Variants in WDR76 observed in about 807,000 individuals in gnomAD.
WDR76 encodes the protein WD repeat-containing protein 76.
A neutral mutation model predicts 70.2 loss-of-function variants in WDR76; 52 were observed. The ratio of observed to expected loss-of-function variants is 0.74; its 90% CI spans 0.59 to 0.93. The LOEUF is 0.93. Ranked by LOEUF, WDR76 falls within the 40% of genes least tolerant of loss-of-function variation. WDR76 has a pLI of 0.00. For missense variants in WDR76, 756 were observed against 760.2 expected, an observed-to-expected ratio of 0.99 and a Z score of 0.07; for synonymous variants, 292 against 271.1, an observed-to-expected ratio of 1.08 and a Z score of -0.76.
At chr15:43,840,292 A>AG (rs2087708719) in intron 5 of WDR76, among the ~76,000 whole-genome samples, 1 of 152,110 alleles carries the variant, frequency 6.6e-6, no homozygotes, top group South Asian at 2.1e-4. Flanking sequence ...ATTAAAAAAA[A>AG]GTCAGCAATA....
At chr15:43,844,680 C>T (rs1157065112) in intron 8 of WDR76, among the ~76,000 whole-genome samples, 7 of 150,932 alleles carry the variant, frequency 4.6e-5, no homozygotes, top group South Asian at 2.1e-4. Flanking sequence ...GAGGCCGAGG[C>T]GGGTGGATCA....
chr15:43,839,482 T>C, intron 4 of WDR76, 123 bp from the exon 5 acceptor site: 1 of 1,011,678 alleles, frequency 9.9e-7, no homozygotes, highest in Non-Finnish European at 1.4e-6. Context: ...GCCATGTATA[T>C]ATATATCTAT....
chr15:43,837,877 CTTT>C (rs11340939), intron 4 of WDR76, among the ~76,000 whole-genome samples: 17 of 102,700 alleles, frequency 1.7e-4, no homozygotes, highest in Admixed American at 4.2e-4. Context: ...TTATTTATTG[CTTT>C]TTTTTTTTTT....
In WDR76 at chr15:43,836,292, G is replaced by A. The variant is rs1596069126; in HGVS notation, c.608+76G>A. On this transcript the variant is annotated intron_variant, in intron 4 of 12. Coordinates refer to ENST00000263795, the MANE Select transcript of WDR76 (RefSeq NM_024908.4). ...TTTATAATTTGAAAAAAATGGTTTG[G>A]TGTGGTAAGCTTAACAGATCATAAA... The A allele has an allele frequency of 3.5e-6, 5 of 1,439,676 alleles. No homozygotes were observed. The East Asian group carries it at 1.2e-4, about 34-fold the overall frequency. 89.2% of individuals were successfully genotyped at this position (1,439,676 alleles called of 1,614,324 possible).
At chr15:43,850,271 T>A (rs879265090) in intron 8 of WDR76, among the ~76,000 whole-genome samples, 19 of 112,836 alleles carry the variant, frequency 1.7e-4, no homozygotes, top group Non-Finnish European at 2.2e-4. Context: ...GTTATTTTTT[T>A]ATTTTATTTT....
intron 5 of WDR76, among the ~76,000 whole-genome samples, chr15:43,841,193 GT>G (rs1419399531): frequency 2.5e-5 from 3 of 118,764 alleles, no homozygotes; most frequent in African/African-American, 9.5e-5. Flanking sequence ...GCTAAGTTTT[GT>G]TTTTTTGTTT....
chr15:43,858,495 C>T, intron 10 of WDR76, 176 bp from the exon 11 acceptor site: 1 of 674,808 alleles, frequency 1.5e-6, no homozygotes, highest in Non-Finnish European at 2.4e-6. Flanking sequence ...ATCCACCTGC[C>T]TCCACCTCCC....
At chr15:43,844,756 A>G (rs1291737023) in intron 8 of WDR76, among the ~76,000 whole-genome samples, 1 of 144,304 alleles carries the variant, frequency 6.9e-6, no homozygotes, top group Non-Finnish European at 1.5e-5. Context: ...AAAAAACCCC[A>G]TCGCTACTAA....
rs1043867568 is a variant in WDR76 at position 43,838,864 on chromosome 15, C to T, written c.609-741C>T. Among the ~76,000 whole-genome samples the T allele has an allele frequency of 4.6e-5, 7 of 152,058 alleles. No homozygotes were observed. The East Asian group carries it at 1.3e-3, about 29-fold the overall frequency. ...ATGACAGCCCATATTATTCCATATA[C>T]TCAGGTGTCTTTTTTGAGGATTAAA... On this transcript the variant is annotated intron_variant, in intron 4 of 12. Coordinates refer to ENST00000263795, the MANE Select transcript of WDR76 (RefSeq NM_024908.4).
At chr15:43,863,380 C>T (rs184590024) in intron 12 of WDR76, among the ~76,000 whole-genome samples, 1 of 151,998 alleles carries the variant, frequency 6.6e-6, no homozygotes, top group Non-Finnish European at 1.5e-5. Flanking sequence ...GATGAGAACA[C>T]TTAAAATCTG....
chr15:43,834,004 G>A (rs1234225295), intron 2 of WDR76, among the ~76,000 whole-genome samples: 1 of 152,112 alleles, frequency 6.6e-6, no homozygotes, highest in Non-Finnish European at 1.5e-5. Context: ...ACAATGAATT[G>A]GATATTGGAC....
intron 9 of WDR76, among the ~76,000 whole-genome samples, chr15:43,853,715 G>T (rs1249463053): frequency 6.6e-6 from 1 of 151,860 alleles, no homozygotes; most frequent in Non-Finnish European, 1.5e-5. Flanking sequence ...AGACCAGCCT[G>T]GCCAACATGG....
intron 8 of WDR76, among the ~76,000 whole-genome samples, chr15:43,844,661 G>A (rs1216498086): frequency 6.6e-6 from 1 of 151,188 alleles, no homozygotes; most frequent in East Asian, 2.0e-4. Context: ...TGTAATCCCA[G>A]CACTTTGGGA....
At chr15:43,828,809 A>G (rs1193279483) in intron 2 of WDR76, among the ~76,000 whole-genome samples, 1 of 152,234 alleles carries the variant, frequency 6.6e-6, no homozygotes, top group Admixed American at 6.5e-5. Flanking sequence ...TTTAAATGCA[A>G]AACGAGACAA....
intron 9 of WDR76, among the ~76,000 whole-genome samples, chr15:43,853,145 TC>T (rs1485856779): frequency 6.6e-6 from 1 of 152,180 alleles, no homozygotes; most frequent in Non-Finnish European, 1.5e-5. Flanking sequence ...CACCTTGGCC[TC>T]CCAAAGTCTT....
At chr15:43,865,784 A>C (rs2088062900) in intron 12 of WDR76, among the ~76,000 whole-genome samples, 1 of 152,232 alleles carries the variant, frequency 6.6e-6, no homozygotes, top group Admixed American at 6.5e-5. Context: ...GGGGTCATTT[A>C]AGTGGCAGTG....
intron 8 of WDR76, among the ~76,000 whole-genome samples, chr15:43,850,456 C>G (rs927232260): frequency 6.6e-6 from 1 of 151,890 alleles, no homozygotes; most frequent in African/African-American, 2.4e-5. Flanking sequence ...CCACCACGCC[C>G]GGCTAGTTTT....
At chr15:43,834,647 A>G (rs2087633353) in intron 2 of WDR76, among the ~76,000 whole-genome samples, 1 of 151,980 alleles carries the variant, frequency 6.6e-6, no homozygotes, top group African/African-American at 2.4e-5. Flanking sequence ...AGGTTTCACC[A>G]TTTTGGCCAG....
chr15:43,839,600 T>A lies in WDR76; in HGVS notation c.609-5T>A. Reference sequence around the variant, plus strand: ...TATAACATGAGTTTTTCCCCACTCCTTTAGAAAGAAGCCTAAGAGAGAAAA... The same window carrying A: ...TATAACATGAGTTTTTCCCCACTCCATTAGAAAGAAGCCTAAGAGAGAAAA... On this transcript the variant is annotated splice_polypyrimidine_tract_variant and splice_region_variant and intron_variant, in intron 4 of 12. Transcript: ENST00000263795. 1 of 1,605,752 alleles carries A rather than the reference T, an allele frequency of 6.2e-7. No individual in the cohort carries two copies. The highest frequency in any genetic ancestry group is 8.5e-7 in the Non-Finnish European group (1 of 1,176,588).
Sources: allele counts gnomAD v4.1 joint callset (sites outside exome capture counted in the v4.1 genomes callset), GRCh38; gene constraint gnomAD v4.1.1; transcripts MANE v1.5; gene names NCBI Gene and HGNC (gene_info 2026-07-23, HGNC 2026-07-21).